The following NRXN3 variants were observed in gnomAD, a reference collection of about 807,000 sequenced individuals.
NRXN3 encodes neurexin III.
NRXN3 carries 32 observed loss-of-function variants against 137.6 expected under a neutral mutation model. The observed-to-expected ratio is 0.23, with a 90% CI of 0.18 to 0.31. The LOEUF (loss-of-function observed/expected upper bound fraction) is 0.31. Among genes scored for constraint, NRXN3 ranks in the 10% least tolerant of loss-of-function variants. The probability of loss-of-function intolerance (pLI) is 1.00; values close to 1 mark genes in which losing one functional copy is unlikely to be tolerated. For synonymous variants in NRXN3, 798 were observed against 784.5 expected (o/e 1.02, Z -0.29); for missense variants, 1,574 against 2,062.5 (o/e 0.76, Z 4.59).
intron 15 of NRXN3, among the ~76,000 whole-genome samples, chr14:79,304,410 G>C (rs1306938629): frequency 6.6e-6 from 1 of 152,054 alleles, no homozygotes; most frequent in Non-Finnish European, 1.5e-5. Flanking sequence ...AGTAAAAAGT[G>C]ACCTGTGTTA....
At chr14:79,557,116 C>G (rs2097437690) in intron 16 of NRXN3, among the ~76,000 whole-genome samples, 1 of 152,064 alleles carries the variant, frequency 6.6e-6, no homozygotes, top group Non-Finnish European at 1.5e-5. Context: ...CCTTAGCTCT[C>G]TCTATAAAAG....
chr14:78,928,789 T>A (rs1448028357), intron 10 of NRXN3, among the ~76,000 whole-genome samples: 2 of 152,210 alleles, frequency 1.3e-5, no homozygotes, highest in African/African-American at 2.4e-5. Flanking sequence ...TATAGTAGCA[T>A]GATTTATAAT....
intron 15 of NRXN3, among the ~76,000 whole-genome samples, chr14:79,383,552 G>T (rs2094527651): frequency 6.6e-6 from 1 of 152,002 alleles, no homozygotes; most frequent in Non-Finnish European, 1.5e-5. Context: ...CTTTTCACTT[G>T]CTCTGCAGCC....
chr14:79,191,991 C>T (rs1223254028), intron 15 of NRXN3, among the ~76,000 whole-genome samples: 1 of 151,960 alleles, frequency 6.6e-6, no homozygotes, highest in African/African-American at 2.4e-5. Context: ...TGCATTCTAC[C>T]ATGTGGATAC....
At chr14:78,541,685 G>C (rs554938368) in intron 4 of NRXN3, among the ~76,000 whole-genome samples, 1 of 152,318 alleles carries the variant, frequency 6.6e-6, no homozygotes, top group South Asian at 2.1e-4. Flanking sequence ...TCCTTTGGAG[G>C]AGAAGAGGCA....
intron 19 of NRXN3, among the ~76,000 whole-genome samples, chr14:79,749,405 T>C (rs2098990070): frequency 6.6e-6 from 1 of 150,926 alleles, no homozygotes; most frequent in Non-Finnish European, 1.5e-5. Context: ...AGTATCCACA[T>C]TGCTGTTTTC....
At chr14:78,906,446 C>A (rs2099216960) in intron 10 of NRXN3, among the ~76,000 whole-genome samples, 2 of 152,168 alleles carry the variant, frequency 1.3e-5, no homozygotes, top group South Asian at 4.1e-4. Context: ...ACTCAAATAT[C>A]ATCTCCACCA....
intron 15 of NRXN3, among the ~76,000 whole-genome samples, chr14:79,252,005 G>A (rs1002433182): frequency 4.0e-5 from 6 of 151,896 alleles, no homozygotes; most frequent in Non-Finnish European, 5.9e-5. Flanking sequence ...TAGAAATAAG[G>A]TCTTCCTATC....
At position 79,085,652 on chromosome 14, in the gene NRXN3, A is replaced by G. The variant is rs540231211; in HGVS notation, c.3262+97511A>G. ...TATGGAATGATTTTTTTTAGACCAC[A>G]TCAGACCTACCCAAGGGAAAGGAAG... On this transcript the variant is annotated intron_variant, in intron 15 of 20. Transcript: ENST00000335750. 2.3e-4 allele frequency among the ~76,000 whole-genome samples: 35 copies of G among 152,286 alleles called. No individual in the cohort carries two copies. In the South Asian group the frequency reaches 7.0e-3, roughly 31 times the overall value.
rs2099427807 is a variant in NRXN3 at position 78,968,256 on chromosome 14, T to A, written c.3052T>A (p.Cys1018Ser). 1 of 1,614,022 alleles carries A rather than the reference T, an allele frequency of 6.2e-7. No individual in the cohort carries two copies. The highest frequency in any genetic ancestry group is 8.5e-7 in the Non-Finnish European group (1 of 1,180,004). The change falls in exon 14 of 21, where the codon TGT becomes AGT. Residue 1018 changes from cysteine to serine, a missense_variant. Around this residue, in one of 5 missense-constraint regions of NRXN3, gnomAD observed 718 missense variants for 887.6 expected, o/e 0.81. Coordinates refer to ENST00000335750, the MANE Select transcript of NRXN3 (RefSeq NM_001330195.2). ...GGCCTCTCGAGATGGCTTTCAGGGC[T>A]GTCTAGCATCAGTGGACTTGAATGG... ...LVASRDGFQG[C>S]LASVDLNGRL... is the part of the protein sequence containing the mutation.
chr14:78,379,521 A>G (rs1270814807), intron 4 of NRXN3, among the ~76,000 whole-genome samples: 1 of 152,248 alleles, frequency 6.6e-6, no homozygotes, highest in Non-Finnish European at 1.5e-5. Context: ...ATGTGATTAT[A>G]TCAATTGATG....
chr14:79,682,036 A>G (rs906189508), intron 17 of NRXN3, among the ~76,000 whole-genome samples: 8 of 152,180 alleles, frequency 5.3e-5, no homozygotes, highest in Non-Finnish European at 8.8e-5. Context: ...TTAAATGCCC[A>G]TTAAGAAAAT....
intron 1 of NRXN3, among the ~76,000 whole-genome samples, chr14:78,190,726 T>G (rs2060647691): frequency 6.6e-6 from 1 of 152,124 alleles, no homozygotes; most frequent in Admixed American, 6.6e-5. Context: ...CAGGCTGGAG[T>G]GCAGTGGTGC....
At chr14:78,952,180 A>T (rs11847702) in intron 10 of NRXN3, among the ~76,000 whole-genome samples, 19,430 of 152,136 alleles carry the variant, frequency 0.13, 2,570 homozygotes, top group East Asian at 0.43. Flanking sequence ...AATGAAATGA[A>T]CTATTTGAGG....
At chr14:78,982,520 A>C (rs2099491941) in intron 14 of NRXN3, among the ~76,000 whole-genome samples, 1 of 152,136 alleles carries the variant, frequency 6.6e-6, no homozygotes, top group Non-Finnish European at 1.5e-5. Context: ...TTTTTTTAAC[A>C]AAGGTGCCAC....
At chr14:79,784,359 G>T (rs1259236904) in intron 19 of NRXN3, among the ~76,000 whole-genome samples, 1 of 152,146 alleles carries the variant, frequency 6.6e-6, no homozygotes, top group Admixed American at 6.5e-5. Flanking sequence ...GAAAGCAACT[G>T]AGTTGTTCAG....
chr14:79,550,544 G>C (rs2153747808), intron 16 of NRXN3, among the ~76,000 whole-genome samples: 1 of 152,238 alleles, frequency 6.6e-6, no homozygotes, highest in Admixed American at 6.5e-5. Flanking sequence ...AGTGACACTT[G>C]ACAAATATTT....
chr14:78,658,472 T>C (rs1013356185), intron 6 of NRXN3, among the ~76,000 whole-genome samples: 17 of 152,192 alleles, frequency 1.1e-4, no homozygotes, highest in African/African-American at 3.9e-4. Flanking sequence ...CAAAATCAAT[T>C]AGTTCAGGCC....
intron 10 of NRXN3, among the ~76,000 whole-genome samples, chr14:78,832,818 G>A (rs1160924840): frequency 6.6e-6 from 1 of 152,150 alleles, no homozygotes; most frequent in Non-Finnish European, 1.5e-5. Context: ...GTTCCTTAGA[G>A]AACTCATCTT....
Sources: gnomAD v4.1 joint callset for allele counts (sites outside exome capture counted in the v4.1 genomes callset) on GRCh38, gnomAD v4.1.1 for gene constraint, gnomAD v4.1.1 regional missense constraint, MANE v1.5 for transcripts, NCBI Gene and HGNC (gene_info 2026-07-23, HGNC 2026-07-21) for gene names.